MTOR: variants seen among roughly 807,000 people sequenced by gnomAD.
MTOR encodes the protein mechanistic target of rapamycin kinase, also known as serine/threonine-protein kinase mTOR.
A neutral mutation model predicts 319.8 loss-of-function variants in MTOR; 70 were observed. The observed-to-expected ratio is 0.22, with a 90% CI of 0.18 to 0.27. The LOEUF is 0.27. Among genes scored for constraint, MTOR ranks in the 10% least tolerant of loss-of-function variants. The pLI is 1.00. For synonymous variants in MTOR, 1,183 were observed against 1,211.4 expected (o/e 0.98, Z 0.49); for missense variants, 1,890 against 3,274.4 (o/e 0.58, Z 10.32).
rs1241485458 is a variant in MTOR, at chr1:11,209,353, G to C, written c.3760C>G (p.Pro1254Ala). ...ALASGPVETGPMKKLHVSTIN... is the reference protein window; with the variant it reads ...ALASGPVETGAMKKLHVSTIN... The stretch of plus-strand genomic sequence containing the variant: ...GTGCTGACGTGCAGTTTCTTCATGG[G>C]TCCTGTTTCCACTGGTCCACTAGCC... Residue 1254 changes from proline (P) to alanine (A), a missense_variant, in exon 25 of 58, where the codon CCC becomes GCC. Pro to Ala is a conservative substitution (Grantham distance 27, BLOSUM62 -1). Coordinates refer to ENST00000361445, the MANE Select transcript of MTOR (RefSeq NM_004958.4). 6.2e-7 allele frequency: 1 copy of C among 1,614,148 alleles called. No homozygotes were observed. The highest frequency in any genetic ancestry group is 8.5e-7 in the Non-Finnish European group (1 of 1,180,016).
chr1:11,146,668 G>A lies in MTOR; in HGVS notation c.4686+8C>T, dbSNP rs1178791942. The A allele has an allele frequency of 2.5e-6, 4 of 1,611,052 alleles. No individual in the cohort carries two copies. In the Admixed American group the frequency reaches 5.0e-5, roughly 20 times the overall value. The stretch of plus-strand genomic sequence containing the variant: ...CACTGAGAGATCTGGGTGCATGTAG[G>A]TTTTTACCTGTTGTGCCAAGGAGAA... On this transcript the variant is annotated splice_region_variant and intron_variant, in intron 32 of 57. Coordinates refer to ENST00000361445, the MANE Select transcript of MTOR (RefSeq NM_004958.4).
At chr1:11,238,663 A>C in intron 11 of MTOR, 46 bp from the exon 12 acceptor site, 1 of 1,526,208 alleles carries the variant, frequency 6.6e-7, no homozygotes, top group Non-Finnish European at 8.9e-7. Flanking sequence ...CTGCTGCTGT[A>C]GACAGGTAGG....
Position 11,146,855 on chromosome 1 carries a change from C to T in MTOR, c.4571-64G>A, listed in dbSNP as rs942824417. 2.8e-5 allele frequency: 31 copies of T among 1,097,584 alleles called. No individual in the cohort carries two copies. In the Admixed American group the frequency reaches 5.3e-4, roughly 19 times the overall value. The allele number at this position is 1,097,584 out of a possible 1,614,324, so 68.0% of individuals were successfully genotyped here. A position where few individuals can be genotyped will look rare whatever the true frequency, so the allele number is the denominator to read the frequency against. On this transcript the variant is annotated intron_variant, in intron 31 of 57. Coordinates refer to ENST00000361445, the MANE Select transcript of MTOR (RefSeq NM_004958.4). The stretch of plus-strand genomic sequence containing the variant: ...TGGCTGGTTGGGCTAAAGGCAGCAT[C>T]TCAAATAGGTCTTGCCACTGTTATT...
intron 28 of MTOR, among the ~76,000 whole-genome samples, chr1:11,181,966 C>T (rs536268312): frequency 1.3e-5 from 2 of 152,216 alleles, no homozygotes; most frequent in African/African-American, 2.4e-5. Context: ...ACCTGTAATC[C>T]CAGCACTTTG....
At chr1:11,213,936 T>C (rs1646390563) in intron 20 of MTOR, among the ~76,000 whole-genome samples, 1 of 152,220 alleles carries the variant, frequency 6.6e-6, no homozygotes, top group African/African-American at 2.4e-5. Context: ...CTTGGGTCCT[T>C]TGCACTCCCT....
intron 32 of MTOR, among the ~76,000 whole-genome samples, chr1:11,146,152 T>A (rs1396831416): frequency 2.0e-5 from 3 of 152,246 alleles, no homozygotes; most frequent in Non-Finnish European, 4.4e-5. Context: ...TCCCAATGCC[T>A]TAAGTGCTCA....
intron 30 of MTOR, 70 bp from the exon 31 acceptor site, chr1:11,150,296 C>A (rs1363586032): frequency 1.5e-5 from 21 of 1,395,094 alleles, no homozygotes; most frequent in Non-Finnish European, 2.0e-5. Context: ...CTCTCCTGCC[C>A]CTTGGGTTAG....
chr1:11,259,285 T>C lies in MTOR; in HGVS notation c.125A>G (p.Lys42Arg). ...RNEETRAKAA[K>R]ELQHYVTMEL... The stretch of plus-strand genomic sequence containing the variant: ...CATGGTGACATAGTGCTGGAGCTCC[T>C]TGGCGGCTTTGGCCCTGGTTTCCTC... Residue 42 changes from lysine (K) to arginine (R), a missense_variant, in exon 2 of 58, where the codon AAG becomes AGG. By Grantham distance (26) the Lys-to-Arg change is conservative. Transcript: ENST00000361445. 6.2e-7 allele frequency: 1 copy of C among 1,614,054 alleles called. No homozygotes were observed. The highest frequency in any genetic ancestry group is 1.1e-5 in the South Asian group (1 of 91,078).
At chr1:11,164,795 A>C (rs1644591120) in intron 29 of MTOR, among the ~76,000 whole-genome samples, 1 of 152,214 alleles carries the variant, frequency 6.6e-6, no homozygotes, top group South Asian at 2.1e-4. Context: ...AGACACAACA[A>C]AACAAGAGAA....
intron 28 of MTOR, among the ~76,000 whole-genome samples, chr1:11,172,666 C>T (rs1315582928): frequency 2.6e-5 from 4 of 151,426 alleles, no homozygotes; most frequent in Middle Eastern, 3.4e-3. Flanking sequence ...GTCAGGAGTT[C>T]GAGACCAGCC....
intron 28 of MTOR, chr1:11,194,424 T>C (rs1166549511): frequency 1.2e-6 from 2 of 1,604,414 alleles, no homozygotes; most frequent in Non-Finnish European, 1.7e-6. Flanking sequence ...AAATGGAGCC[T>C]GCTGCACTTT....
At chr1:11,181,595 T>G (rs924600909) in intron 28 of MTOR, among the ~76,000 whole-genome samples, 1 of 152,200 alleles carries the variant, frequency 6.6e-6, no homozygotes, top group Non-Finnish European at 1.5e-5. Context: ...CTCCCAGTTT[T>G]CACTTTCTTT....
At chr1:11,243,073 C>A in intron 9 of MTOR, 41 bp downstream of exon 9, 2 of 1,604,778 alleles carry the variant, frequency 1.2e-6, no homozygotes, top group Non-Finnish European at 1.7e-6. Flanking sequence ...TCCTCTCCAA[C>A]CAAATGGAGT....
chr1:11,119,230 A>G (rs1030976560), intron 49 of MTOR, among the ~76,000 whole-genome samples: 1 of 151,998 alleles, frequency 6.6e-6, no homozygotes, highest in African/African-American at 2.4e-5. Context: ...TAGGAGTTTG[A>G]GACCAGCCTG....
chr1:11,206,031 G>A (rs146572081), intron 25 of MTOR, among the ~76,000 whole-genome samples: 46 of 152,306 alleles, frequency 3.0e-4, no homozygotes, highest in Admixed American at 1.4e-3. Flanking sequence ...GTCAAAAACC[G>A]AAGCAGAAAT....
intron 6 of MTOR, among the ~76,000 whole-genome samples, chr1:11,250,160 T>A (rs1236051466): frequency 6.0e-5 from 8 of 133,478 alleles, no homozygotes; most frequent in Admixed American, 7.3e-5. Flanking sequence ...ACAGGGCGGC[T>A]GGCCGGGCGG....
intron 31 of MTOR, among the ~76,000 whole-genome samples, chr1:11,148,061 C>A (rs753780890): frequency 2.0e-5 from 3 of 152,082 alleles, no homozygotes; most frequent in South Asian, 2.1e-4. Flanking sequence ...TATTGGGAAA[C>A]TTCTAAAATA....
At chr1:11,246,912 C>T (rs1180801325) in intron 8 of MTOR, among the ~76,000 whole-genome samples, 1 of 152,190 alleles carries the variant, frequency 6.6e-6, no homozygotes, top group Non-Finnish European at 1.5e-5. Context: ...ATGGTTTCCA[C>T]TTATTAGGGC....
rs1424437184 is a variant in MTOR, at chr1:11,139,364, T to C, written c.5070A>G (p.Pro1690=). Residue 1690 remains proline (P), a synonymous_variant, in exon 36 of 58, where the codon CCA becomes CCG. Coordinates refer to ENST00000361445, the MANE Select transcript of MTOR (RefSeq NM_004958.4). ...DPSRQLDHPL[P]TVHPQVTYAY... ...CATAGGTCACCTGAGGGTGAACTGTTGGCAGAGGATGGTCAAGTTGCCGAG... is the reference window on the plus strand; with the variant it reads ...CATAGGTCACCTGAGGGTGAACTGTCGGCAGAGGATGGTCAAGTTGCCGAG... 1 of 1,613,632 alleles carries C rather than the reference T, an allele frequency of 6.2e-7. No homozygotes were observed. The highest frequency in any genetic ancestry group is 8.5e-7 in the Non-Finnish European group (1 of 1,179,886).
Sources: gnomAD v4.1 joint callset for allele counts (sites outside exome capture counted in the v4.1 genomes callset) on GRCh38, gnomAD v4.1.1 for gene constraint, MANE v1.5 for transcripts, NCBI Gene and HGNC (gene_info 2026-07-23, HGNC 2026-07-21) for gene names.